Variants in PNP observed in about 807,000 individuals in gnomAD.
PNP encodes the protein purine nucleoside phosphorylase, also known as HEL-S-156an.
A neutral mutation model predicts 26.8 loss-of-function variants in PNP; 18 were observed. The ratio of observed to expected loss-of-function variants is 0.67; its 90% CI spans 0.46 to 1.00. The LOEUF (loss-of-function observed/expected upper bound fraction) is 1.00. Among genes scored for constraint, PNP ranks in the 50% least tolerant of loss-of-function variants. PNP has a pLI of 0.00. For synonymous variants in PNP, 116 were observed against 124.8 expected (o/e 0.93, Z 0.47); for missense variants, 320 against 362.9 (o/e 0.88, Z 0.96).
chr14:20,471,192 G>A (rs1346941057), intron 1 of PNP, among the ~76,000 whole-genome samples: 4 of 137,620 alleles, frequency 2.9e-5, no homozygotes, highest in Non-Finnish European at 3.1e-5. Flanking sequence ...CACCACGCCC[G>A]GCTAATTTTT....
Position 20,475,271 on chromosome 14 carries a change from C to T in PNP, c.652+19C>T, listed in dbSNP as rs1426969025. On this transcript the variant is annotated intron_variant, in intron 5 of 5. Transcript: ENST00000361505. ...GCTGTTGGTGAGAAGGGGAATTTGG[C>T]TGGAAGCTTGAAGAGGGAGGGGTTT... 3.1e-6 allele frequency: 5 copies of T among 1,606,420 alleles called. No homozygotes were observed. In the East Asian group the frequency reaches 1.1e-4, roughly 36 times the overall value.
chr14:20,475,973 G>A (rs1463284498), intron 5 of PNP, among the ~76,000 whole-genome samples: 8 of 152,090 alleles, frequency 5.3e-5, no homozygotes, highest in Admixed American at 1.3e-4. Flanking sequence ...TAATTTAGCT[G>A]CTTCTTTGGA....
chr14:20,474,251 C>T (rs1418823291), intron 2 of PNP: 2 of 521,144 alleles, frequency 3.8e-6, no homozygotes, highest in African/African-American at 3.8e-5. Context: ...ATGCTGAACG[C>T]ACCCCATATC....
intron 5 of PNP, among the ~76,000 whole-genome samples, 177 bp from the exon 6 acceptor site, chr14:20,476,205 CAA>C (rs1882107423): frequency 6.6e-6 from 1 of 152,216 alleles, no homozygotes; most frequent in Non-Finnish European, 1.5e-5. Flanking sequence ...CTCCCGGGCT[CAA>C]GACATCCTCC....
In PNP at chr14:20,471,432, T is replaced by G. The variant is rs191309335; in HGVS notation, c.12-876T>G. ...GTTTTGTGTGTGTGTGTGTGTGTGT[T>G]TTTTATAGGGTCTCACTCTGTCACC... On this transcript the variant is annotated intron_variant, in intron 1 of 5. Transcript: ENST00000361505. Among the ~76,000 whole-genome samples the G allele has an allele frequency of 9.7e-4, 147 of 151,186 alleles. 2 individuals are homozygous for G. The East Asian group carries it at 0.015, about 16-fold the overall frequency.
chr14:20,476,810 A>G lies in PNP; in HGVS notation c.*209A>G. On this transcript the variant is annotated 3_prime_UTR_variant, in exon 6 of 6. Transcript: ENST00000361505. ...TGGGATTACAGGTGTGAGCATAGTG[A>G]GACCTTGGCGCTACAAAATAAAGCT... is the stretch of plus-strand genomic sequence containing the variant. The G allele has an allele frequency of 3.3e-6, 2 of 602,744 alleles. No individual in the cohort carries two copies. Among genetic ancestry groups the G allele is most frequent in the Non-Finnish European group, 5.9e-6 (2 of 336,950 alleles). The allele number at this position is 602,744 out of a possible 1,614,324, so 37.3% of individuals were successfully genotyped here.
rs773303100 is a variant in PNP, at chr14:20,469,639, G to GC, written c.11+107dup. On this transcript the variant is annotated intron_variant, in intron 1 of 5. Transcript: ENST00000361505. ...GAGGGAGCTGGCGGAGGGAGCGAGC[G>GC]CCCAGGGGATGCAGAGAGGCCTGGC... 36 of 1,443,432 alleles carry GC rather than the reference G, an allele frequency of 2.5e-5. No individual in the cohort carries two copies. The African/African-American group carries it at 4.8e-4, about 19-fold the overall frequency. The allele number at this position is 1,443,432 out of a possible 1,614,324, so 89.4% of individuals were successfully genotyped here. A position where few individuals can be genotyped will look rare whatever the true frequency, so the allele number is the denominator to read the frequency against.
intron 1 of PNP, 38 bp from the exon 2 acceptor site, chr14:20,472,270 T>C (rs1882001505): frequency 1.3e-6 from 2 of 1,582,384 alleles, no homozygotes; most frequent in East Asian, 4.5e-5. Context: ...GCCCTTGGAA[T>C]GGGAGCAGAA....
chr14:20,474,370 C>T, intron 2 of PNP, 102 bp from the exon 3 acceptor site: 2 of 987,044 alleles, frequency 2.0e-6, no homozygotes, highest in South Asian at 1.4e-5. Context: ...TAATTACAAC[C>T]TAACATTTTG....
chr14:20,474,595 C>A lies in PNP; in HGVS notation c.285+20C>A. 1 of 1,599,852 alleles carries A rather than the reference C, an allele frequency of 6.3e-7. No individual in the cohort carries two copies. Among genetic ancestry groups the A allele is most frequent in the Non-Finnish European group, 8.6e-7 (1 of 1,167,120 alleles). On this transcript the variant is annotated intron_variant, in intron 3 of 5. Coordinates refer to ENST00000361505, the MANE Select transcript of PNP (RefSeq NM_000270.4). ...TGGAAGGTAAGTCAGAGGGATAGGT[C>A]CGGTTGGATCTGGAAGAGGCAGGAG...
At chr14:20,472,677 A>T in intron 2 of PNP, 200 bp downstream of exon 2, 2 of 664,284 alleles carry the variant, frequency 3.0e-6, no homozygotes, top group East Asian at 5.5e-5. Flanking sequence ...GAGACAGGAC[A>T]TGTGTGTGTC....
At chr14:20,474,746 A>G (rs1566525522) in intron 3 of PNP, 27 bp from the exon 4 acceptor site, 1 of 1,611,146 alleles carries the variant, frequency 6.2e-7, no homozygotes, top group East Asian at 2.2e-5. Context: ...AATTTTGTAA[A>G]TTTTTTTCGG....
intron 1 of PNP, 194 bp downstream of exon 1, chr14:20,469,729 C>G: frequency 1.4e-6 from 1 of 734,674 alleles, no homozygotes; most frequent in Admixed American, 2.3e-5. Context: ...CAGGGACGCA[C>G]GCGGGAATCG....
At position 20,471,433 on chromosome 14, in the gene PNP, T is replaced by G. The variant is rs1881986551; in HGVS notation, c.12-875T>G. ...TTTTGTGTGTGTGTGTGTGTGTGTT[T>G]TTTATAGGGTCTCACTCTGTCACCA... On this transcript the variant is annotated intron_variant, in intron 1 of 5. Transcript: ENST00000361505. 2.0e-5 allele frequency among the ~76,000 whole-genome samples: 3 copies of G among 151,538 alleles called. No individual in the cohort carries two copies. In the South Asian group the frequency reaches 6.3e-4, roughly 32 times the overall value.
chr14:20,469,456 G>T lies in PNP; in HGVS notation c.-69G>T. The T allele has an allele frequency of 6.5e-7, 1 of 1,541,140 alleles. No individual in the cohort carries two copies. The highest frequency in any genetic ancestry group is 8.8e-7 in the Non-Finnish European group (1 of 1,139,012). On this transcript the variant is annotated 5_prime_UTR_variant, in exon 1 of 6. Transcript: ENST00000361505. ...CTTGCTCAGTTCAGCATAGCGGAGC[G>T]GATCCGATCGGATCGGAGCGGATCG...
Position 20,477,081 on chromosome 14 carries a change from A to G in PNP, c.*480A>G. 1 of 199,062 alleles carries G rather than the reference A, an allele frequency of 5.0e-6. No individual in the cohort carries two copies. Among genetic ancestry groups the G allele is most frequent in the Non-Finnish European group, 1.1e-5 (1 of 95,004 alleles). The allele number at this position is 199,062 out of a possible 1,614,324, so 12.3% of individuals were successfully genotyped here. ...TAATGTTGTCAGAATAAAGAGAAAG[A>G]TGAAATAATTTCATTTTTTTGTGTA... On this transcript the variant is annotated 3_prime_UTR_variant, in exon 6 of 6. Coordinates refer to ENST00000361505, the MANE Select transcript of PNP (RefSeq NM_000270.4).
rs763897658 is a variant in PNP, at chr14:20,474,878, C to T, written c.391C>T (p.Leu131=). The T allele has an allele frequency of 7.4e-6, 12 of 1,614,202 alleles. No homozygotes were observed. Among genetic ancestry groups the T allele is most frequent in the Non-Finnish European group, 9.3e-6 (11 of 1,180,036 alleles). The change falls in exon 4 of 6, where the codon CTG becomes TTG. Residue 131 remains leucine (L), a synonymous_variant. Coordinates refer to ENST00000361505, the MANE Select transcript of PNP (RefSeq NM_000270.4). ...NPKFEVGDIM[L]IRDHINLPGF... is the part of the protein sequence containing the mutation. Reference sequence around the variant, plus strand: ...CAAGTTTGAGGTTGGAGATATCATGCTGATCCGTGACCATATCAACCTACC... The same window carrying T: ...CAAGTTTGAGGTTGGAGATATCATGTTGATCCGTGACCATATCAACCTACC...
At chr14:20,469,870 C>T in intron 1 of PNP, 1 of 534,922 alleles carries the variant, frequency 1.9e-6, no homozygotes, top group Non-Finnish European at 3.4e-6. Context: ...ATGTATATAT[C>T]CCTCACTCCA....
In PNP at chr14:20,472,366, C is replaced by T. The variant is rs104894455; in HGVS notation, c.70C>T (p.Arg24Ter). 10 of 1,613,568 alleles carry T rather than the reference C, an allele frequency of 6.2e-6. No homozygotes were observed. Among genetic ancestry groups the T allele is most frequent in the Admixed American group, 1.7e-5 (1 of 60,016 alleles). Reference protein sequence around the residue: ...AEWLLSHTKHRPQVAIICGSG... With the variant: ...AEWLLSHTKH The stretch of plus-strand genomic sequence containing the variant: ...ATGGCTTCTGTCTCACACTAAGCAC[C>T]GACCTCAAGTTGCAATAATCTGTGG... Residue 24 changes from arginine (R) to a stop codon, truncating the protein, a stop_gained, in exon 2 of 6, where the codon CGA becomes TGA. Transcript: ENST00000361505. LOFTEE classifies it high-confidence loss of function.
Sources: gnomAD v4.1 joint callset for allele counts (sites outside exome capture counted in the v4.1 genomes callset) on GRCh38, gnomAD v4.1.1 for gene constraint, MANE v1.5 for transcripts, NCBI Gene and HGNC (gene_info 2026-07-23, HGNC 2026-07-21) for gene names.